ABTB2: variants seen among roughly 807,000 people sequenced by gnomAD.
ABTB2 encodes ankyrin repeat and BTB/POZ domain-containing protein 2.
Under a neutral mutation model 104.1 loss-of-function variants are expected in ABTB2, and 56 were observed. The observed-to-expected ratio is 0.54, with a 90% CI of 0.43 to 0.67. The LOEUF is 0.67. Ranked by LOEUF, ABTB2 falls within the 30% of genes least tolerant of loss-of-function variation. The pLI, the probability that ABTB2 is intolerant of heterozygous loss-of-function variation, is 0.00. For synonymous variants in ABTB2, 606 were observed against 608.2 expected (o/e 1.00, Z 0.05); for missense variants, 1,279 against 1,407.7 (o/e 0.91, Z 1.46).
At chr11:34,223,393 C>G (rs1853649895) in intron 1 of ABTB2, among the ~76,000 whole-genome samples, 1 of 152,208 alleles carries the variant, frequency 6.6e-6, no homozygotes, top group South Asian at 2.1e-4. Context: ...TCTCCTGCTC[C>G]CCTAAGCCTT....
chr11:34,219,280 T>C (rs1361236353), intron 1 of ABTB2, among the ~76,000 whole-genome samples: 1 of 152,158 alleles, frequency 6.6e-6, no homozygotes, highest in East Asian at 1.9e-4. Context: ...CAGCCAGGCA[T>C]GGTGGCTCAC....
chr11:34,356,845 T>G lies in ABTB2; in HGVS notation c.739A>C (p.Met247Leu). The stretch of plus-strand genomic sequence containing the variant: ...CCGCCATCAGGGCTGTGGCTGGCCA[T>G]CACCCTGGCCCGGATCTCCTCCACC... ...NLVEEIRARVMASHSPDGGGA... is the reference protein window; with the variant it reads ...NLVEEIRARVLASHSPDGGGA... Residue 247 changes from methionine to leucine, a missense_variant, in exon 1 of 17, where the codon ATG (methionine) becomes CTG (leucine). Transcript: ENST00000435224. The surrounding 1 kb of genome is among the most constrained non-coding windows in gnomAD (Gnocchi z 4.6). 1 of 1,605,296 alleles carries G rather than the reference T, an allele frequency of 6.2e-7. No individual in the cohort carries two copies. The highest frequency in any genetic ancestry group is 8.5e-7 in the Non-Finnish European group (1 of 1,176,170).
chr11:34,194,709 C>T (rs368616084), intron 3 of ABTB2, among the ~76,000 whole-genome samples: 8 of 151,868 alleles, frequency 5.3e-5, no homozygotes, highest in Non-Finnish European at 8.8e-5. Context: ...AGGGCGCCGT[C>T]GGGCTGTTGG....
chr11:34,237,763 C>T (rs967855528), intron 1 of ABTB2, among the ~76,000 whole-genome samples: 4 of 152,080 alleles, frequency 2.6e-5, no homozygotes, highest in African/African-American at 7.2e-5. Context: ...TAGTGGTGGG[C>T]GCCTATAATC....
intron 1 of ABTB2, among the ~76,000 whole-genome samples, chr11:34,274,158 C>CAAAAAAAAAAAAAAAA (rs763755237): frequency 2.0e-5 from 1 of 50,746 alleles, no homozygotes; most frequent in African/African-American, 7.1e-5. Flanking sequence ...GACTCCGTCT[C>CAAAAAAAAAAAAAAAA]AAAAAAAAAA....
intron 1 of ABTB2, among the ~76,000 whole-genome samples, chr11:34,314,349 C>T (rs942217910): frequency 3.3e-5 from 5 of 152,160 alleles, no homozygotes; most frequent in Non-Finnish European, 5.9e-5. Context: ...ACTCTAACCT[C>T]GATGAGGGCG....
intron 1 of ABTB2, among the ~76,000 whole-genome samples, chr11:34,336,635 C>A (rs1471327029): frequency 6.6e-6 from 1 of 151,554 alleles, no homozygotes; most frequent in African/African-American, 2.4e-5. Flanking sequence ...AGAGGGAGGC[C>A]CTGTCTCAAA....
intron 1 of ABTB2, among the ~76,000 whole-genome samples, chr11:34,239,108 T>A (rs73495537): frequency 0.028 from 4,208 of 152,230 alleles, 193 homozygotes; most frequent in African/African-American, 0.097. Context: ...AGAAGCTCCA[T>A]GAAAGCCAGG....
At chr11:34,318,889 G>A (rs762231713) in intron 1 of ABTB2, among the ~76,000 whole-genome samples, 2 of 152,200 alleles carry the variant, frequency 1.3e-5, no homozygotes, top group Non-Finnish European at 2.9e-5. Flanking sequence ...TGTTTTGATG[G>A]AGAAATACCA....
chr11:34,220,220 G>A (rs557850604), intron 1 of ABTB2, among the ~76,000 whole-genome samples: 5 of 152,152 alleles, frequency 3.3e-5, no homozygotes, highest in African/African-American at 7.2e-5. Context: ...GTAAGAAAAC[G>A]ATCACTGGAC....
intron 1 of ABTB2, among the ~76,000 whole-genome samples, chr11:34,325,062 A>T (rs1855053449): frequency 6.6e-6 from 1 of 152,058 alleles, no homozygotes; most frequent in Admixed American, 6.6e-5. Flanking sequence ...GGCCCCCTCA[A>T]AGTGCTGGGA....
At chr11:34,271,650 C>T (rs1854314956) in intron 1 of ABTB2, among the ~76,000 whole-genome samples, 1 of 152,132 alleles carries the variant, frequency 6.6e-6, no homozygotes. Context: ...AGGAGGATTG[C>T]TTGGGCCCAG....
At position 34,275,842 on chromosome 11, in the gene ABTB2, TATACCATTCTC is replaced by T. The variant is rs1182357111; in HGVS notation, c.884-71163_884-71153del. ...AGAACTCCCTATGAGATAAAGCACT[TATACCATTCTC>T]ATTGGGTCAGCTGGACACAGTCCTG... On this transcript the variant is annotated intron_variant, in intron 1 of 16. Transcript: ENST00000435224. Among the ~76,000 whole-genome samples the T allele has an allele frequency of 3.3e-5, 5 of 152,194 alleles. 1 individual carries two copies. In the East Asian group the frequency reaches 9.6e-4, roughly 29 times the overall value.
chr11:34,191,688 G>A (rs897657765), intron 3 of ABTB2, among the ~76,000 whole-genome samples: 29 of 152,310 alleles, frequency 1.9e-4, no homozygotes, highest in African/African-American at 6.7e-4. Flanking sequence ...CCCAAGAAGG[G>A]AAGTGTGGGA....
At position 34,304,546 on chromosome 11, in the gene ABTB2, C is replaced by T. The variant is rs114131939; in HGVS notation, c.883+52155G>A. On this transcript the variant is annotated intron_variant, in intron 1 of 16. Coordinates refer to ENST00000435224, the MANE Select transcript of ABTB2 (RefSeq NM_145804.3). ...GATGAAAACAGACACAGAGGCTAGG[C>T]ATAGGGGCTCACGCCTGTAATCCAA... 4.0e-3 allele frequency among the ~76,000 whole-genome samples: 603 copies of T among 152,272 alleles called. 3 individuals carry two copies. The highest frequency in any genetic ancestry group is 0.013 in the African/African-American group (527 of 41,532).
chr11:34,289,098 C>T (rs1261723600), intron 1 of ABTB2, among the ~76,000 whole-genome samples: 3 of 152,226 alleles, frequency 2.0e-5, no homozygotes, highest in Non-Finnish European at 4.4e-5. Context: ...CAGTTAAGTT[C>T]TGACAGGGGT....
chr11:34,309,469 C>A (rs767722914), intron 1 of ABTB2, among the ~76,000 whole-genome samples: 1 of 152,128 alleles, frequency 6.6e-6, no homozygotes, highest in South Asian at 2.1e-4. Context: ...CGGGCATTAC[C>A]GTGCTCAACA....
chr11:34,319,460 G>A (rs1210969573), intron 1 of ABTB2, among the ~76,000 whole-genome samples: 2 of 152,190 alleles, frequency 1.3e-5, no homozygotes, highest in African/African-American at 2.4e-5. Context: ...CCAAGGACAG[G>A]TTTGGGACAA....
intron 1 of ABTB2, among the ~76,000 whole-genome samples, chr11:34,279,176 G>A (rs1167814189): frequency 6.6e-6 from 1 of 152,180 alleles, no homozygotes; most frequent in Non-Finnish European, 1.5e-5. Context: ...GATAGAATGA[G>A]CATTACTAAG....
Sources: gnomAD v4.1 joint callset for allele counts (sites outside exome capture counted in the v4.1 genomes callset) on GRCh38, gnomAD v4.1.1 for gene constraint, Gnocchi (gnomAD v3.1) non-coding constraint, MANE v1.5 for transcripts, NCBI Gene and HGNC (gene_info 2026-07-23, HGNC 2026-07-21) for gene names.